Variants in DLGAP2 observed in about 807,000 individuals in gnomAD.
DLGAP2 encodes the protein DLG associated protein 2, also known as disks large-associated protein 2.
DLGAP2 carries 26 observed loss-of-function variants against 100.3 expected under a neutral mutation model. That is an observed-to-expected ratio of 0.26 (90% CI 0.19 to 0.36). DLGAP2 has a LOEUF of 0.36. Ranked by LOEUF, DLGAP2 falls within the 10% of genes least tolerant of loss-of-function variation. The pLI is 1.00. For missense variants in DLGAP2, 1,858 were observed against 1,453.2 expected, an observed-to-expected ratio of 1.28 and a Z score of -4.53; for synonymous variants, 886 against 630.1, an observed-to-expected ratio of 1.41 and a Z score of -6.08.
At chr8:1,577,361 G>T (rs1420040782) in intron 6 of DLGAP2, among the ~76,000 whole-genome samples, 3 of 152,122 alleles carry the variant, frequency 2.0e-5, no homozygotes, top group African/African-American at 4.8e-5. Flanking sequence ...CTGAGGTCAG[G>T]AGTTCGAGAC....
chr8:1,474,957 A>G (rs916716576), intron 3 of DLGAP2, among the ~76,000 whole-genome samples: 2 of 152,244 alleles, frequency 1.3e-5, no homozygotes, highest in African/African-American at 2.4e-5. Context: ...ACTATTCGCA[A>G]CAGGAAAGAC....
intron 3 of DLGAP2, among the ~76,000 whole-genome samples, chr8:1,352,014 G>C (rs1269070984): frequency 1.5e-4 from 10 of 64,560 alleles, no homozygotes; most frequent in African/African-American, 4.3e-4. Flanking sequence ...AGGCCGTGCG[G>C]ATCCTGACTG....
chr8:828,300 C>T (rs1439215387), intron 1 of DLGAP2, among the ~76,000 whole-genome samples: 2 of 152,154 alleles, frequency 1.3e-5, no homozygotes, highest in Admixed American at 6.5e-5. Flanking sequence ...TCTGCAATCT[C>T]GACCATAAGA....
At chr8:1,407,874 A>C (rs1428141810) in intron 3 of DLGAP2, among the ~76,000 whole-genome samples, 1 of 151,800 alleles carries the variant, frequency 6.6e-6, no homozygotes, top group Admixed American at 6.6e-5. Flanking sequence ...ACTGAGCACC[A>C]CCTCCTTGTC....
chr8:1,314,977 C>T (rs1355288581), intron 3 of DLGAP2, among the ~76,000 whole-genome samples: 1 of 152,244 alleles, frequency 6.6e-6, no homozygotes, highest in Non-Finnish European at 1.5e-5. Flanking sequence ...CCTATCCCAG[C>T]AGTTCTAAGC....
In DLGAP2 at chr8:1,626,782, C is replaced by T; in HGVS notation, c.1485C>T (p.His495=). Residue 495 remains histidine, a synonymous_variant, in exon 7 of 15, where the codon CAC becomes CAT. Coordinates refer to ENST00000637795, the MANE Select transcript of DLGAP2 (RefSeq NM_001346810.2). ...CTGCAAGCGATGTGCCTGTGGGACACAGCCTGGACCCCGCTGCGAACTACA... is the reference window on the plus strand; with the variant it reads ...CTGCAAGCGATGTGCCTGTGGGACATAGCCTGGACCCCGCTGCGAACTACA... ...LQAASDVPVG[H]SLDPAANYNS... 2 of 1,603,934 alleles carry T rather than the reference C, an allele frequency of 1.2e-6. No individual in the cohort carries two copies. The highest frequency in any genetic ancestry group is 1.7e-6 in the Non-Finnish European group (2 of 1,175,660).
chr8:1,278,914 C>T (rs1046646699), intron 3 of DLGAP2, among the ~76,000 whole-genome samples: 2 of 152,112 alleles, frequency 1.3e-5, no homozygotes, highest in African/African-American at 4.8e-5. Flanking sequence ...CAGAAATGTC[C>T]TTCAGATTGT....
At chr8:1,026,198 C>T (rs77929988) in intron 2 of DLGAP2, among the ~76,000 whole-genome samples, 4 of 152,044 alleles carry the variant, frequency 2.6e-5, no homozygotes, top group African/African-American at 9.7e-5. Flanking sequence ...CAGGACGTGC[C>T]TCACGATCGT....
At chr8:1,601,571 C>G (rs1403944870) in intron 6 of DLGAP2, among the ~76,000 whole-genome samples, 1 of 151,164 alleles carries the variant, frequency 6.6e-6, no homozygotes, top group East Asian at 2.0e-4. Flanking sequence ...ATGCCCTGCC[C>G]AGAGAGCAGT....
intron 2 of DLGAP2, among the ~76,000 whole-genome samples, chr8:1,186,652 T>C (rs1211160554): frequency 6.6e-6 from 1 of 152,084 alleles, no homozygotes; most frequent in African/African-American, 2.4e-5. Context: ...CTGTGGGATA[T>C]GACCATTCCC....
chr8:853,398 T>A (rs1797217119), intron 1 of DLGAP2, among the ~76,000 whole-genome samples: 1 of 152,224 alleles, frequency 6.6e-6, no homozygotes, highest in South Asian at 2.1e-4. Context: ...AGGGTTGTGC[T>A]GGGGTCTGCT....
At chr8:834,114 T>C (rs1196941941) in intron 1 of DLGAP2, among the ~76,000 whole-genome samples, 1 of 152,188 alleles carries the variant, frequency 6.6e-6, no homozygotes, top group African/African-American at 2.4e-5. Flanking sequence ...AACTCAGCGT[T>C]GCCTAGTACA....
At chr8:1,271,061 T>A (rs1392519963) in intron 3 of DLGAP2, among the ~76,000 whole-genome samples, 3 of 152,174 alleles carry the variant, frequency 2.0e-5, no homozygotes, top group Non-Finnish European at 2.9e-5. Context: ...TCAAATTCTT[T>A]CCCCACGTCT....
intron 5 of DLGAP2, among the ~76,000 whole-genome samples, chr8:1,563,125 A>G (rs11780583): frequency 0.031 from 333 of 10,614 alleles, 22 homozygotes; most frequent in Admixed American, 0.053. Flanking sequence ...TCCGCGCCTC[A>G]TTGCTGGGGG....
intron 2 of DLGAP2, among the ~76,000 whole-genome samples, chr8:1,162,002 C>G (rs1796901017): frequency 1.3e-5 from 2 of 152,226 alleles, no homozygotes; most frequent in Admixed American, 1.3e-4. Context: ...GGTGCCTGGG[C>G]CTGGCAAGAT....
At chr8:1,132,602 G>A (rs1000279274) in intron 2 of DLGAP2, among the ~76,000 whole-genome samples, 3 of 152,206 alleles carry the variant, frequency 2.0e-5, no homozygotes, top group African/African-American at 7.2e-5. Flanking sequence ...ACACAGTAAA[G>A]CCAGATGCTC....
chr8:1,222,643 G>T (rs372759966), intron 2 of DLGAP2, among the ~76,000 whole-genome samples: 3 of 152,176 alleles, frequency 2.0e-5, no homozygotes, highest in Admixed American at 6.5e-5. Flanking sequence ...GTACACGGTG[G>T]GGGGAGGCTG....
At chr8:1,445,838 C>T (rs1478250379) in intron 3 of DLGAP2, among the ~76,000 whole-genome samples, 2 of 152,156 alleles carry the variant, frequency 1.3e-5, no homozygotes, top group African/African-American at 4.8e-5. Flanking sequence ...CTCTGATGGC[C>T]AGTGATGATG....
At chr8:1,158,552 A>T (rs937844119) in intron 2 of DLGAP2, among the ~76,000 whole-genome samples, 3 of 152,186 alleles carry the variant, frequency 2.0e-5, no homozygotes, top group Admixed American at 6.5e-5. Context: ...GTGTTTTCCT[A>T]TATATAAACT....
Sources: gnomAD v4.1 joint callset for allele counts (sites outside exome capture counted in the v4.1 genomes callset) on GRCh38, gnomAD v4.1.1 for gene constraint, MANE v1.5 for transcripts, NCBI Gene and HGNC (gene_info 2026-07-23, HGNC 2026-07-21) for gene names.